CRYL1: variants seen among roughly 807,000 people sequenced by gnomAD.
CRYL1 encodes the protein lambda-crystallin homolog.
Under a neutral mutation model 36.6 loss-of-function variants are expected in CRYL1, and 29 were observed. The ratio of observed to expected loss-of-function variants is 0.79; its 90% CI spans 0.59 to 1.08. The LOEUF is 1.08. Among genes scored for constraint, CRYL1 ranks in the 50% least tolerant of loss-of-function variants. CRYL1 has a pLI of 0.00. For synonymous variants in CRYL1, 152 were observed against 151.5 expected, an observed-to-expected ratio of 1.00 and a Z score of -0.02; for missense variants, 411 against 407.9, an observed-to-expected ratio of 1.01 and a Z score of -0.06.
chr13:20,422,628 G>C (rs1317233696), intron 5 of CRYL1, among the ~76,000 whole-genome samples: 4 of 152,194 alleles, frequency 2.6e-5, no homozygotes, highest in Non-Finnish European at 5.9e-5. Flanking sequence ...CTCTAACATA[G>C]AGGAGGAGAA....
intron 5 of CRYL1, chr13:20,430,458 T>G: frequency 1.0e-6 from 1 of 985,324 alleles, no homozygotes; most frequent in Non-Finnish European, 1.2e-6. Context: ...TAACACAATG[T>G]CACTCAGGCT....
chr13:20,414,988 G>A (rs2031621058), intron 5 of CRYL1, among the ~76,000 whole-genome samples: 1 of 152,214 alleles, frequency 6.6e-6, no homozygotes, highest in Admixed American at 6.5e-5. Context: ...GAGCTCTGTA[G>A]GACTGAGGCA....
chr13:20,454,762 T>C (rs769786475), intron 3 of CRYL1, among the ~76,000 whole-genome samples: 2 of 152,130 alleles, frequency 1.3e-5, no homozygotes, highest in Non-Finnish European at 2.9e-5. Flanking sequence ...TAGGAATAGA[T>C]GGGAATCCCT....
At chr13:20,463,898 C>G (rs553391764) in intron 3 of CRYL1, among the ~76,000 whole-genome samples, 1 of 151,320 alleles carries the variant, frequency 6.6e-6, no homozygotes, top group African/African-American at 2.4e-5. Flanking sequence ...TACGTCCATG[C>G]AGAGGAGAAC....
Position 20,426,152 on chromosome 13 carries a change from C to T in CRYL1, c.633+5950G>A, listed in dbSNP as rs188204838. Among the ~76,000 whole-genome samples, 9 of 152,214 alleles carry T rather than the reference C, an allele frequency of 5.9e-5. No individual in the cohort carries two copies. The South Asian group carries it at 1.0e-3, about 18-fold the overall frequency. Reference sequence around the variant, plus strand: ...GGCGTCACTCTCCAGCAGGCCCAAGCGGGGCAGGTCTGGCTGGGTGAGCTT... The same window carrying T: ...GGCGTCACTCTCCAGCAGGCCCAAGTGGGGCAGGTCTGGCTGGGTGAGCTT... On this transcript the variant is annotated intron_variant, in intron 5 of 7. Transcript: ENST00000298248.
intron 3 of CRYL1, among the ~76,000 whole-genome samples, chr13:20,468,407 G>C (rs567750471): frequency 6.6e-6 from 1 of 152,034 alleles, no homozygotes; most frequent in Non-Finnish European, 1.5e-5. Context: ...AACTACAGAT[G>C]CATGCCACCA....
intron 2 of CRYL1, among the ~76,000 whole-genome samples, chr13:20,499,379 T>G (rs12560861): frequency 0.2 from 29,370 of 146,976 alleles, 3,024 homozygotes; most frequent in South Asian, 0.26. Context: ...CCGGGCGCAG[T>G]GGCTCATGCC....
At chr13:20,451,822 A>C (rs34431555) in intron 3 of CRYL1, among the ~76,000 whole-genome samples, 6,985 of 152,314 alleles carry the variant, frequency 0.046, 339 homozygotes, top group Admixed American at 0.16. Context: ...AGAAAGACAG[A>C]TGCACTTGCA....
chr13:20,476,301 G>A, intron 3 of CRYL1, among the ~76,000 whole-genome samples: 1 of 149,810 alleles, frequency 6.7e-6, no homozygotes, highest in Non-Finnish European at 1.5e-5. Context: ...GCTGCAGTGA[G>A]CCAAGATCGC....
At chr13:20,475,253 T>C (rs1175557925) in intron 3 of CRYL1, among the ~76,000 whole-genome samples, 1 of 152,154 alleles carries the variant, frequency 6.6e-6, no homozygotes. Flanking sequence ...TCTCCCTCCC[T>C]GGCAGGGGTG....
intron 3 of CRYL1, among the ~76,000 whole-genome samples, chr13:20,479,736 C>G (rs1022456921): frequency 5.9e-5 from 9 of 152,238 alleles, no homozygotes; most frequent in African/African-American, 2.2e-4. Context: ...ATGTCTTCCT[C>G]TTTGTAGCAT....
At chr13:20,436,504 G>A (rs1046123551) in intron 4 of CRYL1, among the ~76,000 whole-genome samples, 7 of 152,180 alleles carry the variant, frequency 4.6e-5, no homozygotes, top group African/African-American at 2.4e-5. Context: ...CTGCCACGAG[G>A]AGTTGAGGAA....
In CRYL1 at chr13:20,481,769, G is replaced by A. The variant is rs369646270; in HGVS notation, c.276+7601C>T. 2.6e-5 allele frequency among the ~76,000 whole-genome samples: 4 copies of A among 151,998 alleles called. No individual in the cohort carries two copies. The highest frequency in any genetic ancestry group is 1.9e-4 in the East Asian group (1 of 5,194). On this transcript the variant is annotated intron_variant, in intron 3 of 7. Coordinates refer to ENST00000298248, the MANE Select transcript of CRYL1 (RefSeq NM_015974.3). The surrounding 1 kb of genome is among the most constrained non-coding windows in gnomAD (Gnocchi z 4.1). The stretch of plus-strand genomic sequence containing the variant: ...CTACTAAAAATACAAAACTTAGCCC[G>A]GCATGGTGGTGGGCGCCTATAATCC...
Position 20,404,185 on chromosome 13 carries a change from TC to T in CRYL1, c.903del (p.Trp301Ter). On this transcript the variant is annotated frameshift_variant, in exon 8 of 8. Coordinates refer to ENST00000298248, the MANE Select transcript of CRYL1 (RefSeq NM_015974.3). LOFTEE classifies it high-confidence loss of function. ...DPEHLAARRQ[W>X]RDECLMRLAK... ...GCGAGTCTCATGAGGCACTCGTCCC[TC>T]CACTGCCTCCTGGCAGCTAAGTGCT... The T allele has an allele frequency of 6.2e-7, 1 of 1,613,856 alleles. No homozygotes were observed. The highest frequency in any genetic ancestry group is 8.5e-7 in the Non-Finnish European group (1 of 1,179,928).
intron 3 of CRYL1, among the ~76,000 whole-genome samples, chr13:20,466,484 C>T (rs2032935518): frequency 6.6e-6 from 1 of 152,170 alleles, no homozygotes; most frequent in African/African-American, 2.4e-5. Context: ...GCAAAGTGTA[C>T]AACAGATACT....
intron 1 of CRYL1, among the ~76,000 whole-genome samples, chr13:20,513,083 T>G (rs1043789947): frequency 4.6e-5 from 7 of 152,324 alleles, no homozygotes; most frequent in Non-Finnish European, 8.8e-5. Flanking sequence ...AGGTATGAAT[T>G]TTTTTAAGTA....
chr13:20,422,988 T>C (rs1217320455), intron 5 of CRYL1, among the ~76,000 whole-genome samples: 2 of 152,236 alleles, frequency 1.3e-5, no homozygotes, highest in Non-Finnish European at 2.9e-5. Flanking sequence ...GTTGTCAGTG[T>C]ACAGATATTT....
At chr13:20,507,744 C>T (rs544474844) in intron 2 of CRYL1, among the ~76,000 whole-genome samples, 7 of 151,918 alleles carry the variant, frequency 4.6e-5, no homozygotes, top group Non-Finnish European at 8.8e-5. Flanking sequence ...CAGTGAAACC[C>T]CGTCTCTACT....
At chr13:20,427,887 G>A (rs2031968110) in intron 5 of CRYL1, among the ~76,000 whole-genome samples, 1 of 151,988 alleles carries the variant, frequency 6.6e-6, no homozygotes, top group African/African-American at 2.4e-5. Context: ...GGACTACCGA[G>A]AACTTTATGC....
Sources: allele counts gnomAD v4.1 joint callset (sites outside exome capture counted in the v4.1 genomes callset), GRCh38; gene constraint gnomAD v4.1.1; non-coding constraint Gnocchi (gnomAD v3.1); transcripts MANE v1.5; gene names NCBI Gene and HGNC (gene_info 2026-07-23, HGNC 2026-07-21).